The following SDCCAG8 variants were observed in gnomAD, a reference collection of about 807,000 sequenced individuals.
SDCCAG8 encodes serologically defined colon cancer antigen 8.
Under a neutral mutation model 101.8 loss-of-function variants are expected in SDCCAG8, and 74 were observed. The ratio of observed to expected loss-of-function variants is 0.73; its 90% confidence interval spans 0.60 to 0.88. The LOEUF (loss-of-function observed/expected upper bound fraction) is 0.88. Among genes scored for constraint, SDCCAG8 ranks in the 40% least tolerant of loss-of-function variants. The pLI is 0.00. For missense variants in SDCCAG8, 787 were observed against 822.6 expected (o/e 0.96, Z 0.53); for synonymous variants, 281 against 292.9 (o/e 0.96, Z 0.41).
At chr1:243,426,661 T>C (rs545075255) in intron 16 of SDCCAG8, 103 bp downstream of exon 16, 15 of 1,382,038 alleles carry the variant, frequency 1.1e-5, no homozygotes, top group Non-Finnish European at 1.5e-5. Flanking sequence ...ATCATCATTA[T>C]GCTACTTGTG....
chr1:243,492,501 G>A (rs1432549710), intron 17 of SDCCAG8, among the ~76,000 whole-genome samples: 3 of 149,932 alleles, frequency 2.0e-5, no homozygotes, highest in Non-Finnish European at 3.0e-5. Context: ...ACGGGGTTTC[G>A]CCATGTTGGC....
intron 16 of SDCCAG8, among the ~76,000 whole-genome samples, chr1:243,465,946 T>C (rs1660047451): frequency 6.6e-6 from 1 of 152,226 alleles, no homozygotes; most frequent in African/African-American, 2.4e-5. Context: ...GAAGAGAAGA[T>C]ACCGCTCATT....
intron 17 of SDCCAG8, among the ~76,000 whole-genome samples, chr1:243,489,803 T>C (rs1216900439): frequency 6.6e-6 from 1 of 152,128 alleles, no homozygotes; most frequent in African/African-American, 2.4e-5. Flanking sequence ...TAAGCCTGAC[T>C]CCACAGCCCA....
chr1:243,452,625 C>A (rs1305806694), intron 16 of SDCCAG8, among the ~76,000 whole-genome samples: 2 of 151,740 alleles, frequency 1.3e-5, no homozygotes, highest in Non-Finnish European at 2.9e-5. Flanking sequence ...TGGGGTCCCA[C>A]TGTGTTGCCC....
At position 243,433,567 on chromosome 1, in the gene SDCCAG8, TG is replaced by T. The variant is rs560039616; in HGVS notation, c.1985+7011del. Among the ~76,000 whole-genome samples the T allele has an allele frequency of 3.8e-3, 579 of 152,262 alleles. 3 individuals are homozygous for T. Among genetic ancestry groups the T allele is most frequent in the African/African-American group, 0.013 (547 of 41,548 alleles). Reference sequence around the variant, plus strand: ...TCTCTCCTGAGGAACCAGCCTCCCTTGGCAGGCTAGACAGGAGTTGGCTGCC... The same window carrying T: ...TCTCTCCTGAGGAACCAGCCTCCCTTGCAGGCTAGACAGGAGTTGGCTGCC... On this transcript the variant is annotated intron_variant, in intron 16 of 17. Coordinates refer to ENST00000366541, the MANE Select transcript of SDCCAG8 (RefSeq NM_006642.5).
chr1:243,286,806 T>G (rs1166019648), intron 5 of SDCCAG8, among the ~76,000 whole-genome samples: 1 of 152,224 alleles, frequency 6.6e-6, no homozygotes, highest in African/African-American at 2.4e-5. Context: ...AGAAAAAATG[T>G]TGGCCTTAGG....
chr1:243,475,295 G>T (rs1393857008), intron 16 of SDCCAG8, among the ~76,000 whole-genome samples: 2 of 152,190 alleles, frequency 1.3e-5, no homozygotes, highest in African/African-American at 2.4e-5. Context: ...TGGGGCGGGG[G>T]TCTTTCTATT....
intron 1 of SDCCAG8, chr1:243,268,118 A>G (rs1264894830): frequency 5.9e-6 from 4 of 681,598 alleles, no homozygotes; most frequent in Admixed American, 2.3e-5. Flanking sequence ...TTGCTTCCTC[A>G]TGGTCACACC....
At chr1:243,445,155 T>G (rs1558478845) in intron 16 of SDCCAG8, among the ~76,000 whole-genome samples, 1 of 152,222 alleles carries the variant, frequency 6.6e-6, no homozygotes. Flanking sequence ...CTAATAAATT[T>G]TTAAGGAGCT....
At chr1:243,308,920 A>G (rs1173178204) in intron 8 of SDCCAG8, among the ~76,000 whole-genome samples, 1 of 152,148 alleles carries the variant, frequency 6.6e-6, no homozygotes, top group East Asian at 1.9e-4. Context: ...ACCTCTCTCT[A>G]TCTGCTGTGC....
At chr1:243,463,816 G>A (rs565436410) in intron 16 of SDCCAG8, among the ~76,000 whole-genome samples, 6 of 152,222 alleles carry the variant, frequency 3.9e-5, no homozygotes, top group Admixed American at 2.6e-4. Context: ...ATCTTCGATA[G>A]GGAGGGTAAT....
chr1:243,489,059 G>A lies in SDCCAG8; in HGVS notation c.2031G>A (p.Leu677=), dbSNP rs201112344. 9 of 1,613,298 alleles carry A rather than the reference G, an allele frequency of 5.6e-6. No individual in the cohort carries two copies. Among genetic ancestry groups the A allele is most frequent in the Non-Finnish European group, 7.6e-6 (9 of 1,180,034 alleles). The change falls in exon 17 of 18, where the codon CTG becomes CTA. Residue 677 remains leucine (L), a synonymous_variant. Transcript: ENST00000366541. ...DKHSQATAQQ[L]VQLLSKQNQL... is the part of the protein sequence containing the mutation. ...ACAGCCAGGCCACAGCCCAGCAGCT[G>A]GTGCAGCTCCTCAGCAAGCAGAACC...
At chr1:243,276,478 T>G (rs1350359523) in intron 4 of SDCCAG8, among the ~76,000 whole-genome samples, 2 of 152,208 alleles carry the variant, frequency 1.3e-5, no homozygotes, top group African/African-American at 4.8e-5. Context: ...GTTAATGGAC[T>G]TTATTTTTTA....
intron 8 of SDCCAG8, among the ~76,000 whole-genome samples, chr1:243,312,441 T>C (rs1365876296): frequency 6.6e-6 from 1 of 152,182 alleles, no homozygotes; most frequent in African/African-American, 2.4e-5. Context: ...GCATGGTGGC[T>C]CACACCTGTA....
intron 13 of SDCCAG8, among the ~76,000 whole-genome samples, chr1:243,389,506 A>G (rs1397214551): frequency 6.6e-6 from 1 of 152,252 alleles, no homozygotes; most frequent in Non-Finnish European, 1.5e-5. Flanking sequence ...CGGAATCTAC[A>G]GAAGTATTTG....
intron 12 of SDCCAG8, among the ~76,000 whole-genome samples, chr1:243,362,283 G>T (rs1455206322): frequency 1.3e-5 from 2 of 151,698 alleles, no homozygotes; most frequent in Admixed American, 1.3e-4. Context: ...GGATAGGTGG[G>T]TGAAGAGACG....
At chr1:243,423,232 G>A (rs1487980741) in intron 15 of SDCCAG8, among the ~76,000 whole-genome samples, 1 of 152,068 alleles carries the variant, frequency 6.6e-6, no homozygotes, top group Non-Finnish European at 1.5e-5. Context: ...ATATTTTTGG[G>A]ATTATGTAAG....
At chr1:243,385,893 C>T (rs535206862) in intron 13 of SDCCAG8, among the ~76,000 whole-genome samples, 5 of 152,242 alleles carry the variant, frequency 3.3e-5, no homozygotes, top group Non-Finnish European at 7.4e-5. Context: ...CACTTGAGCC[C>T]GGGAGGCAGA....
At chr1:243,465,406 G>A (rs536515974) in intron 16 of SDCCAG8, among the ~76,000 whole-genome samples, 8 of 152,330 alleles carry the variant, frequency 5.3e-5, no homozygotes, top group South Asian at 2.1e-4. Context: ...AATGGGAGTC[G>A]TGAATTTGGC....
Sources: allele counts gnomAD v4.1 joint callset (sites outside exome capture counted in the v4.1 genomes callset), GRCh38; gene constraint gnomAD v4.1.1; transcripts MANE v1.5; gene names NCBI Gene and HGNC (gene_info 2026-07-23, HGNC 2026-07-21).